CCSAP: variants seen among roughly 807,000 people sequenced by gnomAD.
CCSAP encodes centriole, cilia and spindle-associated protein.
Under a neutral mutation model 25.9 loss-of-function variants are expected in CCSAP, and 17 were observed. That is an observed-to-expected ratio of 0.66 (90% CI 0.45 to 0.99). The LOEUF (loss-of-function observed/expected upper bound fraction) is 0.99, where lower values mean the gene tolerates loss of function less well. Ranked by LOEUF, CCSAP falls within the 50% of genes least tolerant of loss-of-function variation. The pLI is 0.00. For synonymous variants in CCSAP, 169 were observed against 157.1 expected, an observed-to-expected ratio of 1.08 and a Z score of -0.57; for missense variants, 339 against 367.8, an observed-to-expected ratio of 0.92 and a Z score of 0.64.
chr1:229,342,042 C>G lies in CCSAP; in HGVS notation c.367+57G>C. ...GAAATAAGAGATCAGCTGCTCAGAG[C>G]TTAGAGCAAACCGTCCCTGCGTGCA... is the stretch of plus-strand genomic sequence containing the variant. On this transcript the variant is annotated intron_variant, in intron 2 of 3. Transcript: ENST00000284617. The surrounding 1 kb of genome is among the most constrained non-coding windows in gnomAD (Gnocchi z 7.5). The G allele has an allele frequency of 7.0e-6, 9 of 1,288,514 alleles. No homozygotes were observed. The highest frequency in any genetic ancestry group is 8.8e-6 in the Non-Finnish European group (9 of 1,018,616). 79.8% of individuals were successfully genotyped at this position (1,288,514 alleles called of 1,614,324 possible).
At chr1:229,329,374 G>T (rs1188343832) in intron 2 of CCSAP, among the ~76,000 whole-genome samples, 2 of 152,214 alleles carry the variant, frequency 1.3e-5, no homozygotes, top group Non-Finnish European at 2.9e-5. Context: ...ATGGAGAGAA[G>T]AAGAAAGAGG....
intron 2 of CCSAP, among the ~76,000 whole-genome samples, chr1:229,335,226 G>A (rs1558251611): frequency 6.6e-6 from 1 of 152,162 alleles, no homozygotes; most frequent in African/African-American, 2.4e-5. Flanking sequence ...GGCTGAGGCT[G>A]GAGGATTGCT....
At chr1:229,338,452 A>G (rs1658252621) in intron 2 of CCSAP, among the ~76,000 whole-genome samples, 1 of 152,086 alleles carries the variant, frequency 6.6e-6, no homozygotes, top group African/African-American at 2.4e-5. Flanking sequence ...AAGGAATCGG[A>G]GACAGTCTAG....
chr1:229,335,276 G>C (rs955094498), intron 2 of CCSAP, among the ~76,000 whole-genome samples: 2 of 152,106 alleles, frequency 1.3e-5, no homozygotes, highest in African/African-American at 2.4e-5. Flanking sequence ...CTTAGATCAT[G>C]CCATTGCACT....
rs897839007 is a variant in CCSAP at position 229,326,728 on chromosome 1, C to G, written c.636+10G>C. The G allele has an allele frequency of 6.2e-7, 1 of 1,613,378 alleles. No homozygotes were observed. Among genetic ancestry groups the G allele is most frequent in the African/African-American group, 1.3e-5 (1 of 74,884 alleles). On this transcript the variant is annotated intron_variant, in intron 3 of 3. Transcript: ENST00000284617. ...AAGGGAACACAGAACCACAAGGGCC[C>G]AGAGCGCACCTCGTGCACAGGAGCG...
In CCSAP at chr1:229,342,163, C is replaced by T. The variant is rs1056150789; in HGVS notation, c.303G>A (p.Pro101=). Residue 101 remains proline (P), a synonymous_variant, in exon 2 of 4, where the codon CCG becomes CCA. Coordinates refer to ENST00000284617, the MANE Select transcript of CCSAP (RefSeq NM_145257.5). This position sits in a 1 kb window ranked among gnomAD's most constrained non-coding sequence, Gnocchi z 7.5. ...CCCCGGCCTCCGCGTCCTGCTCCTC[C>T]GGGGCCCCGCGCGCCCGCCGTTCCG... The part of the protein sequence containing the change: ...EEAERRARGA[P]EEQDAEAGDA... The T allele has an allele frequency of 3.8e-6, 5 of 1,299,180 alleles. No individual in the cohort carries two copies. The highest frequency in any genetic ancestry group is 1.5e-5 in the African/African-American group (1 of 65,330). The allele number at this position is 1,299,180 out of a possible 1,614,324, so 80.5% of individuals were successfully genotyped here.
Position 229,327,045 on chromosome 1 carries a change from A to G in CCSAP, c.368-39T>C, listed in dbSNP as rs758305831. 1.2e-5 allele frequency: 18 copies of G among 1,505,008 alleles called. No homozygotes were observed. In the African/African-American group the frequency reaches 2.0e-4, roughly 17 times the overall value. 93.2% of individuals were successfully genotyped at this position (1,505,008 alleles called of 1,614,324 possible). On this transcript the variant is annotated intron_variant, in intron 2 of 3. Transcript: ENST00000284617. Reference sequence around the variant, plus strand: ...ATAAATGAGATGAAAATACTTTGAAATCAGATTTATATATAATTAAAATAT... The same window carrying G: ...ATAAATGAGATGAAAATACTTTGAAGTCAGATTTATATATAATTAAAATAT...
chr1:229,342,638 G>T lies in CCSAP; in HGVS notation c.-48-125C>A, dbSNP rs1658369940. 2 of 405,586 alleles carry T rather than the reference G, an allele frequency of 4.9e-6. No homozygotes were observed. The highest frequency in any genetic ancestry group is 4.6e-5 in the Admixed American group (1 of 21,758). 25.1% of individuals were successfully genotyped at this position (405,586 alleles called of 1,614,324 possible). On this transcript the variant is annotated intron_variant, in intron 1 of 3. Transcript: ENST00000284617. The surrounding 1 kb of genome is among the most constrained non-coding windows in gnomAD (Gnocchi z 7.5). ...GGGCGGGTCCCGGCGAGGGCGGGGA[G>T]GGGGCGGGGCGGGGGCGGCCTCACC... is the stretch of plus-strand genomic sequence containing the variant.
chr1:229,341,630 G>A (rs1203453097), intron 2 of CCSAP, among the ~76,000 whole-genome samples: 1 of 152,210 alleles, frequency 6.6e-6, no homozygotes, highest in African/African-American at 2.4e-5. Flanking sequence ...AGCGAGGTCG[G>A]GGAGTTAATA....
chr1:229,332,016 T>C (rs1170079547), intron 2 of CCSAP, among the ~76,000 whole-genome samples: 2 of 151,860 alleles, frequency 1.3e-5, no homozygotes, highest in Non-Finnish European at 2.9e-5. Context: ...CTAATTTTTG[T>C]ATTTTTAGTA....
intron 2 of CCSAP, among the ~76,000 whole-genome samples, chr1:229,338,554 C>CACAT (rs756840378): frequency 1.3e-5 from 2 of 151,620 alleles, no homozygotes; most frequent in African/African-American, 4.9e-5. Context: ...CACACACACA[C>CACAT]ACACACACAC....
At chr1:229,338,844 G>A (rs1045964346) in intron 2 of CCSAP, among the ~76,000 whole-genome samples, 6 of 151,992 alleles carry the variant, frequency 3.9e-5, no homozygotes, top group East Asian at 1.9e-4. Context: ...AAAAAGGGAC[G>A]GAAAGGAGGG....
chr1:229,328,397 C>T (rs1657996273), intron 2 of CCSAP, among the ~76,000 whole-genome samples: 1 of 152,134 alleles, frequency 6.6e-6, no homozygotes, highest in African/African-American at 2.4e-5. Flanking sequence ...ACCTCCTGGG[C>T]TCAAGTGATC....
At position 229,342,259 on chromosome 1, in the gene CCSAP, G is replaced by T. The variant is rs1436119398; in HGVS notation, c.207C>A (p.Ala69=). 7.8e-7 allele frequency: 1 copy of T among 1,285,648 alleles called. No homozygotes were observed. Among genetic ancestry groups the T allele is most frequent in the East Asian group, 3.1e-5 (1 of 31,912 alleles). 79.6% of individuals were successfully genotyped at this position (1,285,648 alleles called of 1,614,324 possible). ...EDSASSESSG[A]GGPAPRCAPP... ...GGGCGCACCGGGGTGCGGGGCCCCC[G>T]GCGCCCGACGACTCTGACGACGCCG... is the stretch of plus-strand genomic sequence containing the variant. The change falls in exon 2 of 4, where the codon GCC becomes GCA. Residue 69 remains alanine (A), a synonymous_variant. Coordinates refer to ENST00000284617, the MANE Select transcript of CCSAP (RefSeq NM_145257.5). The surrounding 1 kb of genome is among the most constrained non-coding windows in gnomAD (Gnocchi z 7.5).
Position 229,330,133 on chromosome 1 carries a change from GGACA to G in CCSAP, c.368-3131_368-3128del, listed in dbSNP as rs542571072. Among the ~76,000 whole-genome samples the G allele has an allele frequency of 4.0e-3, 604 of 152,188 alleles. 4 individuals are homozygous for G. The highest frequency in any genetic ancestry group is 0.012 in the African/African-American group (490 of 41,488). On this transcript the variant is annotated intron_variant, in intron 2 of 3. Coordinates refer to ENST00000284617, the MANE Select transcript of CCSAP (RefSeq NM_145257.5). Reference sequence around the variant, plus strand: ...GCAACACTGCATCAGACTGACAGGTGGACAGACAGACAGACACCATGAGGACACC... The same window carrying G: ...GCAACACTGCATCAGACTGACAGGTGGACAGACAGACACCATGAGGACACC...
At chr1:229,338,526 C>T (rs1164668252) in intron 2 of CCSAP, among the ~76,000 whole-genome samples, 15 of 144,564 alleles carry the variant, frequency 1.0e-4, no homozygotes, top group Admixed American at 6.3e-4. Context: ...AGCACTTCCA[C>T]CCCCAAACCC....
In CCSAP at chr1:229,322,898, T is replaced by C. The variant is rs1657860421; in HGVS notation, c.*2337A>G. ...CATTGGGTTCTCTGTTTCAGACTTT[T>C]TCAACATGAAAGGTAATTTTTAAAC... is the stretch of plus-strand genomic sequence containing the variant. On this transcript the variant is annotated 3_prime_UTR_variant, in exon 4 of 4. Coordinates refer to ENST00000284617, the MANE Select transcript of CCSAP (RefSeq NM_145257.5). The C allele has an allele frequency of 6.6e-6, 1 of 152,220 alleles. No homozygotes were observed. Among genetic ancestry groups the C allele is most frequent in the African/African-American group, 2.4e-5 (1 of 41,462 alleles). The allele number at this position is 152,220 out of a possible 1,614,324, so 9.4% of individuals were successfully genotyped here.
Position 229,342,304 on chromosome 1 carries a change from CG to C in CCSAP, c.161del (p.Pro54ArgfsTer32). 6.9e-7 allele frequency: 1 copy of C among 1,445,402 alleles called. No homozygotes were observed. Among genetic ancestry groups the C allele is most frequent in the Non-Finnish European group, 9.1e-7 (1 of 1,099,180 alleles). The allele number at this position is 1,445,402 out of a possible 1,614,324, so 89.5% of individuals were successfully genotyped here. A position where few individuals can be genotyped will look rare whatever the true frequency, so the allele number is the denominator to read the frequency against. On this transcript the variant is annotated frameshift_variant, in exon 2 of 4. Coordinates refer to ENST00000284617, the MANE Select transcript of CCSAP (RefSeq NM_145257.5). LOFTEE classifies it high-confidence loss of function. This position sits in a 1 kb window ranked among gnomAD's most constrained non-coding sequence, Gnocchi z 7.5. ...HAPWLWDDWGPAGSSEDSASS... is the reference protein window; with the variant it reads ...HAPWLWDDWGXAGSSEDSASS... ...ACGCCGAGTCCTCCGAGGAGCCGGC[CG>C]GGCCCCAGTCGTCCCAGAGCCAGGG...
rs775110862 is a variant in CCSAP at position 229,326,964 on chromosome 1, G to A, written c.410C>T (p.Thr137Ile). The change falls in exon 3 of 4, where the codon ACC becomes ATC. Residue 137 changes from threonine (T) to isoleucine (I), a missense_variant. Coordinates refer to ENST00000284617, the MANE Select transcript of CCSAP (RefSeq NM_145257.5). Reference protein sequence around the residue: ...KDVEDKPEQQTRTRETDKSPT... With the variant: ...KDVEDKPEQQIRTRETDKSPT... ...TGATTTGTCAGTCTCTCTTGTTCTG[G>A]TTTGTTGTTCAGGTTTATCTTCTAC... 2.3e-5 allele frequency: 37 copies of A among 1,613,930 alleles called. 1 individual carries two copies. The South Asian group carries it at 3.5e-4, about 15-fold the overall frequency.
Sources: allele counts gnomAD v4.1 joint callset (sites outside exome capture counted in the v4.1 genomes callset), GRCh38; gene constraint gnomAD v4.1.1; non-coding constraint Gnocchi (gnomAD v3.1); transcripts MANE v1.5; gene names NCBI Gene and HGNC (gene_info 2026-07-23, HGNC 2026-07-21).